The following DLG2 variants were observed in gnomAD, a reference collection of about 807,000 sequenced individuals.
DLG2 encodes the protein disks large homolog 2.
A neutral mutation model predicts 132.5 loss-of-function variants in DLG2; 45 were observed. That is an observed-to-expected ratio of 0.34 (90% confidence interval 0.27 to 0.44). The LOEUF (loss-of-function observed/expected upper bound fraction) is 0.44. Among genes scored for constraint, DLG2 ranks in the 20% least tolerant of loss-of-function variants. The pLI is 1.00. For missense variants in DLG2, 1,045 were observed against 1,196.9 expected (o/e 0.87, Z 1.87); for synonymous variants, 424 against 419.6 (o/e 1.01, Z -0.13).
intron 8 of DLG2, among the ~76,000 whole-genome samples, chr11:84,236,479 T>C (rs984942277): frequency 1.3e-5 from 2 of 152,238 alleles, no homozygotes; most frequent in African/African-American, 2.4e-5. Context: ...TCTCTCAGTA[T>C]TTTTGGGGGC....
At chr11:84,264,170 G>A (rs2097582815) in intron 7 of DLG2, among the ~76,000 whole-genome samples, 1 of 152,154 alleles carries the variant, frequency 6.6e-6, no homozygotes, top group South Asian at 2.1e-4. Flanking sequence ...GGCATTTGCT[G>A]ATGCCAAAGA....
chr11:84,586,948 G>A (rs1456482995), intron 6 of DLG2, among the ~76,000 whole-genome samples: 4 of 152,142 alleles, frequency 2.6e-5, no homozygotes, highest in African/African-American at 7.2e-5. Flanking sequence ...CACCTTGATG[G>A]GTTTTCAAAG....
At chr11:83,505,058 C>T (rs2094623675) in intron 21 of DLG2, among the ~76,000 whole-genome samples, 1 of 152,170 alleles carries the variant, frequency 6.6e-6, no homozygotes, top group South Asian at 2.1e-4. Flanking sequence ...TGTACCATGA[C>T]AGTGGATAAG....
chr11:84,663,318 C>T (rs1250313456), intron 6 of DLG2, among the ~76,000 whole-genome samples: 1 of 151,712 alleles, frequency 6.6e-6, no homozygotes, highest in Non-Finnish European at 1.5e-5. Flanking sequence ...AGGGCACTCA[C>T]CACCATCTCT....
chr11:84,952,928 T>C (rs2051154247), intron 6 of DLG2, among the ~76,000 whole-genome samples: 1 of 152,230 alleles, frequency 6.6e-6, no homozygotes, highest in South Asian at 2.1e-4. Flanking sequence ...CTTCTTAGCC[T>C]TTTCAACTTT....
chr11:83,942,976 T>C (rs1420004448), intron 14 of DLG2, among the ~76,000 whole-genome samples: 2 of 152,178 alleles, frequency 1.3e-5, no homozygotes, highest in Non-Finnish European at 2.9e-5. Flanking sequence ...GTCTTTCCTA[T>C]GCTGTTCTCA....
chr11:84,339,145 T>G (rs2098502234), intron 7 of DLG2, among the ~76,000 whole-genome samples: 1 of 152,176 alleles, frequency 6.6e-6, no homozygotes. Flanking sequence ...AGCTATTACT[T>G]ATTTCCCTAG....
At chr11:84,553,495 C>T (rs2099406011) in intron 6 of DLG2, among the ~76,000 whole-genome samples, 1 of 152,088 alleles carries the variant, frequency 6.6e-6, no homozygotes, top group Non-Finnish European at 1.5e-5. Flanking sequence ...ACATGCTCCC[C>T]CAGAGGTCAT....
chr11:84,847,669 G>A (rs2154019400), intron 6 of DLG2, among the ~76,000 whole-genome samples: 1 of 152,226 alleles, frequency 6.6e-6, no homozygotes, highest in Non-Finnish European at 1.5e-5. Flanking sequence ...TGCCAATAAA[G>A]CATGGCCTAA....
intron 7 of DLG2, among the ~76,000 whole-genome samples, chr11:84,515,287 AC>A (rs2099269238): frequency 1.3e-5 from 2 of 150,866 alleles, no homozygotes; most frequent in South Asian, 2.1e-4. Context: ...ACACACACAC[AC>A]ACACACACAC....
At chr11:84,359,041 C>T (rs569417079) in intron 7 of DLG2, among the ~76,000 whole-genome samples, 1 of 151,962 alleles carries the variant, frequency 6.6e-6, no homozygotes, top group Non-Finnish European at 1.5e-5. Context: ...TATATAACAA[C>T]AGGCAGAAGA....
intron 7 of DLG2, among the ~76,000 whole-genome samples, chr11:84,338,542 A>G (rs1243314842): frequency 6.6e-6 from 1 of 152,176 alleles, no homozygotes; most frequent in African/African-American, 2.4e-5. Flanking sequence ...TGGTGATATT[A>G]GTCCGGGCAC....
At chr11:84,600,214 A>AAGAAAG (rs2099573360) in intron 6 of DLG2, among the ~76,000 whole-genome samples, 1 of 136,524 alleles carries the variant, frequency 7.3e-6, no homozygotes, top group African/African-American at 3.1e-5. Flanking sequence ...GAAAGAAAGA[A>AAGAAAG]AGAAAGAAAG....
At chr11:84,358,355 G>A (rs2098630053) in intron 7 of DLG2, among the ~76,000 whole-genome samples, 1 of 147,598 alleles carries the variant, frequency 6.8e-6, no homozygotes, top group African/African-American at 2.5e-5. Context: ...CAAACAGCAA[G>A]TCCCAGTATT....
intron 6 of DLG2, among the ~76,000 whole-genome samples, chr11:84,772,784 T>C (rs1049889300): frequency 6.6e-6 from 1 of 152,182 alleles, no homozygotes; most frequent in African/African-American, 2.4e-5. Flanking sequence ...ATCTCTGGGA[T>C]GCTGCAAAAG....
In DLG2 at chr11:85,473,153, C is replaced by T. The variant is rs183620023; in HGVS notation, c.40+125504G>A. Reference sequence around the variant, plus strand: ...AAGCCGCCTGCCCTGCAGCAGTAGCCGGCACACCTGGCTTGCCCTTGGTGG... The same window carrying T: ...AAGCCGCCTGCCCTGCAGCAGTAGCTGGCACACCTGGCTTGCCCTTGGTGG... On this transcript the variant is annotated intron_variant, in intron 3 of 27. Transcript: ENST00000376104. Among the ~76,000 whole-genome samples, 600 of 152,320 alleles carry T rather than the reference C, an allele frequency of 3.9e-3. 7 individuals are homozygous for T. Among genetic ancestry groups the T allele is most frequent in the African/African-American group, 0.013 (520 of 41,556 alleles).
At chr11:85,171,273 C>A (rs1441649973) in intron 4 of DLG2, among the ~76,000 whole-genome samples, 4 of 152,066 alleles carry the variant, frequency 2.6e-5, no homozygotes, top group Non-Finnish European at 4.4e-5. Context: ...TGAGGAAAAG[C>A]AGGGTGAAGC....
chr11:84,255,119 G>T (rs968948904), intron 7 of DLG2, among the ~76,000 whole-genome samples: 2 of 152,090 alleles, frequency 1.3e-5, no homozygotes, highest in Non-Finnish European at 2.9e-5. Context: ...CTATGAGTGT[G>T]CTCTTCTCAC....
chr11:85,507,556 T>G (rs1412040883), intron 3 of DLG2, among the ~76,000 whole-genome samples: 2 of 152,248 alleles, frequency 1.3e-5, no homozygotes, highest in Non-Finnish European at 2.9e-5. Context: ...TCTTATGGCT[T>G]GCAGAGTTTC....
Sources: allele counts gnomAD v4.1 joint callset (sites outside exome capture counted in the v4.1 genomes callset), GRCh38; gene constraint gnomAD v4.1.1; transcripts MANE v1.5; gene names NCBI Gene and HGNC (gene_info 2026-07-23, HGNC 2026-07-21).